The following CDC42BPA variants were observed in gnomAD, a reference collection of about 807,000 sequenced individuals.
CDC42BPA encodes the protein serine/threonine-protein kinase MRCK alpha.
In CDC42BPA, 80 loss-of-function variants were observed where a neutral mutation model predicts 223.5. That is an observed-to-expected ratio of 0.36 (90% CI 0.30 to 0.43). The LOEUF (loss-of-function observed/expected upper bound fraction) is 0.43, where lower values mean the gene tolerates loss of function less well. CDC42BPA is among the 20% of genes least tolerant of loss of function. The pLI, the probability that CDC42BPA is intolerant of heterozygous loss-of-function variation, is 1.00. For missense variants in CDC42BPA, 1,743 were observed against 2,099.9 expected (o/e 0.83, Z 3.32); for synonymous variants, 694 against 718.6 (o/e 0.97, Z 0.55).
At chr1:227,231,283 T>C (rs1677907912) in intron 2 of CDC42BPA, among the ~76,000 whole-genome samples, 1 of 152,174 alleles carries the variant, frequency 6.6e-6, no homozygotes, top group East Asian at 1.9e-4. Flanking sequence ...GGTTTCCAGC[T>C]TCATCCACGT....
At chr1:227,192,192 C>A (rs1669835353) in intron 5 of CDC42BPA, among the ~76,000 whole-genome samples, 1 of 152,200 alleles carries the variant, frequency 6.6e-6, no homozygotes, top group South Asian at 2.1e-4. Context: ...ACACCCACAT[C>A]TTAAAAAGCA....
chr1:227,187,671 C>A (rs1669010624), intron 5 of CDC42BPA, among the ~76,000 whole-genome samples: 2 of 14,368 alleles, frequency 1.4e-4, no homozygotes, highest in African/African-American at 2.8e-4. Context: ...GGATAAATGG[C>A]ACCCCCCACC....
chr1:227,084,277 CA>C (rs1189917500), intron 16 of CDC42BPA, among the ~76,000 whole-genome samples: 1 of 152,080 alleles, frequency 6.6e-6, no homozygotes, highest in Non-Finnish European at 1.5e-5. Flanking sequence ...CCTGCAATCC[CA>C]ACACTTTGGG....
At position 227,309,739 on chromosome 1, in the gene CDC42BPA, T is replaced by C. The variant is rs188272840; in HGVS notation, c.178+7266A>G. ...TGTATTTAATGTAAATGCCTACACATAAAGAAAAGTAAGCTTAATTAGAGC... is the reference window on the plus strand; with the variant it reads ...TGTATTTAATGTAAATGCCTACACACAAAGAAAAGTAAGCTTAATTAGAGC... On this transcript the variant is annotated intron_variant, in intron 1 of 36. Transcript: ENST00000366766. Among the ~76,000 whole-genome samples, 47 of 152,278 alleles carry C rather than the reference T, an allele frequency of 3.1e-4. 1 individual carries two copies. The East Asian group carries it at 8.9e-3, about 29-fold the overall frequency.
At chr1:227,198,655 T>G (rs1203590592) in intron 4 of CDC42BPA, among the ~76,000 whole-genome samples, 1 of 151,910 alleles carries the variant, frequency 6.6e-6, no homozygotes, top group Non-Finnish European at 1.5e-5. Context: ...CATTATAGAG[T>G]TGCATAAACC....
chr1:227,117,795 C>G (rs1688005489), intron 12 of CDC42BPA, among the ~76,000 whole-genome samples: 1 of 151,788 alleles, frequency 6.6e-6, no homozygotes, highest in Admixed American at 6.6e-5. Context: ...CTGGCCACAA[C>G]AAACCTAAGA....
intron 16 of CDC42BPA, among the ~76,000 whole-genome samples, chr1:227,085,330 G>A (rs192165216): frequency 4.9e-4 from 75 of 152,238 alleles, no homozygotes; most frequent in African/African-American, 1.8e-3. Context: ...ACCTCTGTGG[G>A]CCACATAAAA....
At chr1:227,283,754 C>A (rs1317886873) in intron 1 of CDC42BPA, among the ~76,000 whole-genome samples, 5 of 152,148 alleles carry the variant, frequency 3.3e-5, no homozygotes, top group Admixed American at 3.3e-4. Context: ...AGCATATGTA[C>A]CCTTGCATCT....
chr1:227,230,879 G>A (rs573100114), intron 2 of CDC42BPA, among the ~76,000 whole-genome samples: 6 of 137,836 alleles, frequency 4.4e-5, no homozygotes, highest in African/African-American at 1.6e-4. Context: ...GGAGTGCAGT[G>A]GCGTGGTCTC....
intron 26 of CDC42BPA, among the ~76,000 whole-genome samples, chr1:227,034,445 T>TA (rs1669873162): frequency 6.6e-6 from 1 of 152,206 alleles, no homozygotes; most frequent in African/African-American, 2.4e-5. Context: ...CCTTAACTCC[T>TA]AGCCCCTCAC....
At chr1:227,018,921 G>A (rs553728542) in intron 32 of CDC42BPA, among the ~76,000 whole-genome samples, 19 of 152,286 alleles carry the variant, frequency 1.2e-4, no homozygotes, top group African/African-American at 4.6e-4. Context: ...GATAGTTGGA[G>A]GGTCTTACCT....
At chr1:227,236,590 T>C (rs1181404823) in intron 2 of CDC42BPA, among the ~76,000 whole-genome samples, 1 of 152,166 alleles carries the variant, frequency 6.6e-6, no homozygotes, top group Non-Finnish European at 1.5e-5. Context: ...GATCATAACA[T>C]ACCTACATAC....
chr1:227,195,451 C>G (rs1384215138), intron 4 of CDC42BPA, among the ~76,000 whole-genome samples: 3 of 152,048 alleles, frequency 2.0e-5, no homozygotes, highest in Non-Finnish European at 4.4e-5. Flanking sequence ...GCTGGGATTA[C>G]AGGCGTGAGC....
intron 35 of CDC42BPA, 78 bp from the exon 36 acceptor site, chr1:226,995,058 G>C: frequency 1.5e-6 from 2 of 1,333,306 alleles, no homozygotes; most frequent in Non-Finnish European, 2.1e-6. Flanking sequence ...CTGCTGAGCT[G>C]ACAGGCCATC....
intron 11 of CDC42BPA, among the ~76,000 whole-genome samples, chr1:227,126,468 G>GAAGGAAGA (rs1232127022): frequency 2.3e-4 from 2 of 8,550 alleles, no homozygotes; most frequent in East Asian, 5.9e-3. Flanking sequence ...TACAAGAAAG[G>GAAGGAAGA]AAGGAAGGAA....
At chr1:227,232,086 G>C (rs1337913010) in intron 2 of CDC42BPA, among the ~76,000 whole-genome samples, 2 of 152,108 alleles carry the variant, frequency 1.3e-5, no homozygotes, top group Non-Finnish European at 2.9e-5. Context: ...GTATTGCCTA[G>C]GTTTTCTTCT....
At chr1:227,154,658 T>C (rs1036078347) in intron 6 of CDC42BPA, among the ~76,000 whole-genome samples, 1 of 151,978 alleles carries the variant, frequency 6.6e-6, no homozygotes, top group Non-Finnish European at 1.5e-5. Flanking sequence ...TAGGAGCAAA[T>C]CTAACTCATC....
At chr1:227,062,808 A>G (rs1676192865) in intron 21 of CDC42BPA, among the ~76,000 whole-genome samples, 1 of 151,384 alleles carries the variant, frequency 6.6e-6, no homozygotes, top group Admixed American at 6.6e-5. Flanking sequence ...CACCCATGTA[A>G]AAAGTGCTAA....
intron 5 of CDC42BPA, chr1:227,193,549 G>A (rs1009921124): frequency 7.0e-5 from 29 of 415,472 alleles, no homozygotes; most frequent in Non-Finnish European, 1.1e-4. Flanking sequence ...TTCTAGGAGT[G>A]ACAACTTTTA....
Sources: allele counts gnomAD v4.1 joint callset (sites outside exome capture counted in the v4.1 genomes callset), GRCh38; gene constraint gnomAD v4.1.1; transcripts MANE v1.5; gene names NCBI Gene and HGNC (gene_info 2026-07-23, HGNC 2026-07-21).